Variants in JAG1 observed in about 807,000 individuals in gnomAD.
JAG1 encodes protein jagged-1.
In JAG1, 23 loss-of-function variants were observed where a neutral mutation model predicts 148.7. The ratio of observed to expected loss-of-function variants is 0.15; its 90% confidence interval spans 0.11 to 0.22. The LOEUF (loss-of-function observed/expected upper bound fraction) is 0.22. JAG1 is among the 10% of genes least tolerant of loss of function. The pLI is 1.00. For missense variants in JAG1, 1,054 were observed against 1,611.2 expected (o/e 0.65, Z 5.92); for synonymous variants, 572 against 598.3 (o/e 0.96, Z 0.64).
chr20:10,667,367 T>C (rs2067462124), intron 2 of JAG1, among the ~76,000 whole-genome samples: 1 of 152,204 alleles, frequency 6.6e-6, no homozygotes, highest in South Asian at 2.1e-4. Context: ...TGTCCTGTGT[T>C]AGCATTATTT....
chr20:10,642,599 T>C lies in JAG1; in HGVS notation c.2461A>G (p.Ile821Val). Residue 821 changes from isoleucine (I) to valine (V), a missense_variant and splice_region_variant, in exon 21 of 26, where the codon ATC (isoleucine) becomes GTC (valine). Coordinates refer to ENST00000254958, the MANE Select transcript of JAG1 (RefSeq NM_000214.3). ...GFAGPDCRIN[I>V]NECQSSPCAF... is the part of the protein sequence containing the mutation. Reference sequence around the variant, plus strand: ...CAAGGTGAAGACTGGCATTCATTGATGTCTAGGAGAAATGGAGTTCAAGTT... The same window carrying C: ...CAAGGTGAAGACTGGCATTCATTGACGTCTAGGAGAAATGGAGTTCAAGTT... 1 of 1,596,408 alleles carries C rather than the reference T, an allele frequency of 6.3e-7. No homozygotes were observed. Among genetic ancestry groups the C allele is most frequent in the Middle Eastern group, 1.7e-4 (1 of 6,028 alleles).
chr20:10,644,546 A>G (rs2067294998), intron 18 of JAG1, 162 bp from the exon 19 acceptor site: 1 of 701,076 alleles, frequency 1.4e-6, no homozygotes, highest in Non-Finnish European at 2.6e-6. Context: ...CACCACACTT[A>G]GTTTCATTTG....
At chr20:10,659,876 A>C in intron 3 of JAG1, among the ~76,000 whole-genome samples, 1 of 152,190 alleles carries the variant, frequency 6.6e-6, no homozygotes, top group Non-Finnish European at 1.5e-5. Flanking sequence ...GTTTGAGAAG[A>C]GACAGGTACA....
intron 8 of JAG1, chr20:10,650,587 G>T: frequency 1.9e-6 from 1 of 538,038 alleles, no homozygotes; most frequent in Non-Finnish European, 3.4e-6. Flanking sequence ...CTAAGCAGTG[G>T]GGGAGAAAGA....
intron 2 of JAG1, among the ~76,000 whole-genome samples, chr20:10,669,843 A>G (rs2122640823): frequency 6.6e-6 from 1 of 152,320 alleles, no homozygotes; most frequent in African/African-American, 2.4e-5. Context: ...GTACAGATTA[A>G]CCGTTTCAGT....
rs997363236 is a variant in JAG1, at chr20:10,639,589, G to A, written c.3566C>T (p.Thr1189Met). ...TGTCCAGTTTGGGTGTTTTGTCGGC[G>A]TGCCGTTGGGGGGCTTCTCTTCTCT... Reference protein sequence around the residue: ...VDREEKPPNGTPTKHPNWTNK... With the variant: ...VDREEKPPNGMPTKHPNWTNK... Residue 1189 changes from threonine to methionine, a missense_variant, in exon 26 of 26, where the codon ACG becomes ATG. Transcript: ENST00000254958. The A allele has an allele frequency of 2.4e-5, 39 of 1,614,166 alleles. No individual in the cohort carries two copies. The highest frequency in any genetic ancestry group is 3.0e-5 in the Non-Finnish European group (35 of 1,180,036).
In JAG1 at chr20:10,645,905, G is replaced by A. The variant is rs564185961; in HGVS notation, c.1999+66C>T. Reference sequence around the variant, plus strand: ...TCCAGTACAAAGAAAGTTTTCCCACGTTGAAGTGGGATCCCTCCAACATGA... The same window carrying A: ...TCCAGTACAAAGAAAGTTTTCCCACATTGAAGTGGGATCCCTCCAACATGA... On this transcript the variant is annotated intron_variant, in intron 15 of 25. Coordinates refer to ENST00000254958, the MANE Select transcript of JAG1 (RefSeq NM_000214.3). This position sits in a 1 kb window ranked among gnomAD's most constrained non-coding sequence, Gnocchi z 6.1. 6.6e-5 allele frequency: 74 copies of A among 1,116,874 alleles called. No homozygotes were observed. The Middle Eastern group carries it at 9.5e-4, about 14-fold the overall frequency. The allele number at this position is 1,116,874 out of a possible 1,614,324, so 69.2% of individuals were successfully genotyped here.
chr20:10,653,155 G>GCT (rs1352154962), intron 5 of JAG1, among the ~76,000 whole-genome samples: 1 of 151,636 alleles, frequency 6.6e-6, no homozygotes, highest in East Asian at 1.9e-4. Context: ...GCCAGAGTAG[G>GCT]CTCTCTAAAC....
At chr20:10,646,880 A>G (rs1169950499) in intron 14 of JAG1, 59 bp downstream of exon 14, 73 of 1,520,406 alleles carry the variant, frequency 4.8e-5, no homozygotes, top group Non-Finnish European at 6.2e-5. Context: ...CCAGGGGCAG[A>G]GGCAGGGGCA....
At chr20:10,649,231 G>T in intron 10 of JAG1, 124 bp from the exon 11 acceptor site, 1 of 742,982 alleles carries the variant, frequency 1.3e-6, no homozygotes, top group Non-Finnish European at 2.4e-6. Context: ...CTTTCCGTGA[G>T]ATAAGGTTAT....
rs912107800 is a variant in JAG1 at position 10,642,338 on chromosome 20, G to A, written c.2572+150C>T. Reference sequence around the variant, plus strand: ...CCAAAAACAACAGCTACCTGTTTTGGGGAAGACTCTTCACGTTCCCTTTCC... The same window carrying A: ...CCAAAAACAACAGCTACCTGTTTTGAGGAAGACTCTTCACGTTCCCTTTCC... On this transcript the variant is annotated intron_variant, in intron 21 of 25. Coordinates refer to ENST00000254958, the MANE Select transcript of JAG1 (RefSeq NM_000214.3). The A allele has an allele frequency of 8.7e-6, 6 of 692,978 alleles. No individual in the cohort carries two copies. The African/African-American group carries it at 1.1e-4, about 12-fold the overall frequency. 42.9% of individuals were successfully genotyped at this position (692,978 alleles called of 1,614,324 possible). A position where few individuals can be genotyped will look rare whatever the true frequency, so the allele number is the denominator to read the frequency against.
intron 2 of JAG1, among the ~76,000 whole-genome samples, chr20:10,668,591 T>C (rs1253651681): frequency 1.3e-5 from 2 of 152,112 alleles, no homozygotes; most frequent in Non-Finnish European, 2.9e-5. Flanking sequence ...CAGTGGGTGA[T>C]ATGAATCCAG....
chr20:10,658,146 C>G (rs899178642), intron 4 of JAG1, among the ~76,000 whole-genome samples: 2 of 152,154 alleles, frequency 1.3e-5, no homozygotes, highest in Non-Finnish European at 2.9e-5. Context: ...GGCTTTGTAG[C>G]CCTATGTCTG....
At position 10,673,641 on chromosome 20, in the gene JAG1, A is replaced by T; in HGVS notation, c.-111T>A. The T allele has an allele frequency of 2.5e-6, 1 of 399,732 alleles. No homozygotes were observed. The highest frequency in any genetic ancestry group is 4.0e-6 in the Non-Finnish European group (1 of 252,512). 24.8% of individuals were successfully genotyped at this position (399,732 alleles called of 1,614,324 possible). On this transcript the variant is annotated 5_prime_UTR_variant, in exon 1 of 26. Transcript: ENST00000254958. The surrounding 1 kb of genome is among the most constrained non-coding windows in gnomAD (Gnocchi z 4.7). ...CCTGCGGCCGCCGCGTCCCGGCTCT[A>T]ATATACTCCGCCGATTGGAGCATGC...
intron 3 of JAG1, among the ~76,000 whole-genome samples, chr20:10,660,460 T>C (rs1386745293): frequency 6.6e-6 from 1 of 152,166 alleles, no homozygotes; most frequent in Non-Finnish European, 1.5e-5. Context: ...AAGATCTTCA[T>C]AAAAGGGATC....
chr20:10,652,399 A>G, intron 6 of JAG1, 69 bp downstream of exon 6: 1 of 1,606,478 alleles, frequency 6.2e-7, no homozygotes, highest in South Asian at 1.1e-5. Flanking sequence ...CTGCCAATAA[A>G]ATTAGAAACC....
rs1191747708 is a variant in JAG1 at position 10,638,617 on chromosome 20, G to A, written c.*881C>T. On this transcript the variant is annotated 3_prime_UTR_variant, in exon 26 of 26. Coordinates refer to ENST00000254958, the MANE Select transcript of JAG1 (RefSeq NM_000214.3). The stretch of plus-strand genomic sequence containing the variant: ...CGTGTTTTAAGTGATGCTATAGAAG[G>A]TGTTTTAAACATCTGACGTCGTACA... 6.6e-6 allele frequency: 1 copy of A among 150,750 alleles called. No individual in the cohort carries two copies. Among genetic ancestry groups the A allele is most frequent in the Non-Finnish European group, 1.5e-5 (1 of 67,596 alleles). 9.3% of individuals were successfully genotyped at this position (150,750 alleles called of 1,614,324 possible).
At chr20:10,670,565 T>C (rs539877698) in intron 2 of JAG1, among the ~76,000 whole-genome samples, 23 of 152,340 alleles carry the variant, frequency 1.5e-4, no homozygotes, top group Non-Finnish European at 2.8e-4. Context: ...GGAATCATTC[T>C]TGAAAGTTAC....
intron 13 of JAG1, chr20:10,647,442 T>TA (rs2067316872): frequency 7.1e-6 from 3 of 422,156 alleles, no homozygotes; most frequent in African/African-American, 2.0e-5. Flanking sequence ...TTTTTGATCT[T>TA]AAGCAAGGCT....
Sources: allele counts gnomAD v4.1 joint callset (sites outside exome capture counted in the v4.1 genomes callset), GRCh38; gene constraint gnomAD v4.1.1; non-coding constraint Gnocchi (gnomAD v3.1); transcripts MANE v1.5; gene names NCBI Gene and HGNC (gene_info 2026-07-23, HGNC 2026-07-21).